Variants in SYNRG observed in about 807,000 individuals in gnomAD.
SYNRG encodes AP1 gamma subunit binding protein 1.
In SYNRG, 37 loss-of-function variants were observed where a neutral mutation model predicts 130.9. That is an observed-to-expected ratio of 0.28 (90% CI 0.22 to 0.37). SYNRG has a LOEUF of 0.37. Among genes scored for constraint, SYNRG ranks in the 10% least tolerant of loss-of-function variants. SYNRG has a pLI of 1.00. For synonymous variants in SYNRG, 539 were observed against 568.1 expected (o/e 0.95, Z 0.73); for missense variants, 1,338 against 1,588.9 (o/e 0.84, Z 2.68).
At chr17:37,606,393 G>A (rs982809675) in intron 1 of SYNRG, among the ~76,000 whole-genome samples, 1 of 152,192 alleles carries the variant, frequency 6.6e-6, no homozygotes, top group Non-Finnish European at 1.5e-5. Flanking sequence ...AAAAGATGAG[G>A]AAGCCCTCTA....
At chr17:37,582,852 C>T (rs982786621) in intron 6 of SYNRG, among the ~76,000 whole-genome samples, 3 of 150,902 alleles carry the variant, frequency 2.0e-5, no homozygotes, top group Non-Finnish European at 4.4e-5. Context: ...GAGACCCTGT[C>T]TCAAAAAAAA....
Position 37,600,423 on chromosome 17 carries a change from AC to A in SYNRG, c.78-21del. The A allele has an allele frequency of 6.2e-7, 1 of 1,612,760 alleles. No homozygotes were observed. Among genetic ancestry groups the A allele is most frequent in the Non-Finnish European group, 8.5e-7 (1 of 1,178,952 alleles). ...ATGAAGCTGAAAACAGAATAAAAAT[AC>A]ATTATAATCTTCGTATGTACAAAGA... On this transcript the variant is annotated intron_variant, in intron 1 of 21. Coordinates refer to ENST00000612223, the MANE Select transcript of SYNRG (RefSeq NM_007247.6).
intron 2 of SYNRG, among the ~76,000 whole-genome samples, chr17:37,597,191 A>G (rs189120408): frequency 4.1e-4 from 63 of 152,342 alleles, no homozygotes; most frequent in African/African-American, 1.5e-3. Flanking sequence ...GCCAAAAGGC[A>G]GCATGAATTT....
At position 37,518,645 on chromosome 17, in the gene SYNRG, A is replaced by C; in HGVS notation, c.*295T>G. 1 of 350,124 alleles carries C rather than the reference A, an allele frequency of 2.9e-6. No individual in the cohort carries two copies. The highest frequency in any genetic ancestry group is 4.6e-5 in the East Asian group (1 of 21,558). The allele number at this position is 350,124 out of a possible 1,614,324, so 21.7% of individuals were successfully genotyped here. The stretch of plus-strand genomic sequence containing the variant: ...TCAAATGTCAGTTCTTCACAGTTTC[A>C]ATACTGCAGCAGCAAGTTCTTCCTT... On this transcript the variant is annotated 3_prime_UTR_variant, in exon 22 of 22. Coordinates refer to ENST00000612223, the MANE Select transcript of SYNRG (RefSeq NM_007247.6).
At chr17:37,590,988 G>A (rs1309178334) in intron 3 of SYNRG, among the ~76,000 whole-genome samples, 2 of 151,960 alleles carry the variant, frequency 1.3e-5, no homozygotes, top group African/African-American at 4.8e-5. Context: ...AGGAAGGAAA[G>A]TATTTTTCAA....
intron 4 of SYNRG, 148 bp from the exon 5 acceptor site, chr17:37,585,578 CCT>C (rs1401483568): frequency 4.3e-5 from 25 of 586,618 alleles, no homozygotes; most frequent in African/African-American, 1.3e-4. Context: ...TTACGACAAT[CCT>C]GTTTCCTCAC....
Position 37,564,018 on chromosome 17 carries a change from A to AT in SYNRG, c.1482-2430dup, listed in dbSNP as rs1008704376. 5.2e-3 allele frequency among the ~76,000 whole-genome samples: 748 copies of AT among 144,484 alleles called. 2 individuals are homozygous for AT. Among genetic ancestry groups the AT allele is most frequent in the African/African-American group, 8.0e-3 (316 of 39,534 alleles). 94.8% of individuals were successfully genotyped at this position (144,484 alleles called of 152,430 possible). A position where few individuals can be genotyped will look rare whatever the true frequency, so the allele number is the denominator to read the frequency against. ...ACCACCAGGCCTGGGTAATTTTTGT[A>AT]TTTTTTTTTTTGTAGAGATGGGGTT... On this transcript the variant is annotated intron_variant, in intron 11 of 21. Coordinates refer to ENST00000612223, the MANE Select transcript of SYNRG (RefSeq NM_007247.6).
At chr17:37,587,337 T>C (rs2061775552) in intron 3 of SYNRG, among the ~76,000 whole-genome samples, 1 of 152,148 alleles carries the variant, frequency 6.6e-6, no homozygotes, top group South Asian at 2.1e-4. Flanking sequence ...TTAAGAATGA[T>C]GACAATGACA....
chr17:37,522,432 ATGAGCCAC>A (rs1203202760), intron 19 of SYNRG, among the ~76,000 whole-genome samples: 2 of 151,652 alleles, frequency 1.3e-5, no homozygotes, highest in Non-Finnish European at 1.5e-5. Flanking sequence ...GTTTACAGGC[ATGAGCCAC>A]TGTGCCCGGC....
At chr17:37,523,848 G>C (rs1460349185) in intron 19 of SYNRG, among the ~76,000 whole-genome samples, 2 of 152,208 alleles carry the variant, frequency 1.3e-5, no homozygotes, top group Non-Finnish European at 2.9e-5. Flanking sequence ...GCACTGTGGA[G>C]AGTAAGGAGG....
intron 17 of SYNRG, 177 bp downstream of exon 17, chr17:37,539,015 G>C (rs1032147545): frequency 1.3e-5 from 13 of 983,028 alleles, no homozygotes; most frequent in South Asian, 4.7e-5. Flanking sequence ...GTCTGCTATT[G>C]TAAGTGTGAA....
In SYNRG at chr17:37,553,597, T is replaced by C. The variant is rs757211543; in HGVS notation, c.2126A>G (p.Asp709Gly). 3.7e-6 allele frequency: 6 copies of C among 1,613,954 alleles called. No individual in the cohort carries two copies. In the East Asian group the frequency reaches 1.1e-4, roughly 30 times the overall value. ...CTCTTTAAGGGCATCATATTTGTCA[T>C]CCGGCTTTTGCTCAGATGAAATAGA... is the stretch of plus-strand genomic sequence containing the variant. ...NSSISSEQKP[D>G]DKYDALKEEA... Residue 709 changes from aspartate (D) to glycine (G), a missense_variant, in exon 14 of 22, where the codon GAT becomes GGT. Asp to Gly is a moderately conservative substitution (Grantham distance 94). Transcript: ENST00000612223.
At chr17:37,552,469 T>A (rs868315978) in intron 14 of SYNRG, among the ~76,000 whole-genome samples, 1 of 152,170 alleles carries the variant, frequency 6.6e-6, no homozygotes, top group African/African-American at 2.4e-5. Flanking sequence ...TACAGATTTG[T>A]TACAACTTAA....
chr17:37,569,505 T>C (rs987040994), intron 10 of SYNRG, among the ~76,000 whole-genome samples: 5 of 148,774 alleles, frequency 3.4e-5, no homozygotes, highest in Non-Finnish European at 7.4e-5. Context: ...AAAAGATATA[T>C]CTAGCCGGGT....
chr17:37,540,807 G>T, intron 15 of SYNRG: 1 of 789,178 alleles, frequency 1.3e-6, no homozygotes, highest in Non-Finnish European at 1.6e-6. Context: ...GCTAATTTTT[G>T]TATTTTTAGT....
chr17:37,571,439 G>A (rs188072315), intron 9 of SYNRG, among the ~76,000 whole-genome samples: 6 of 152,082 alleles, frequency 3.9e-5, no homozygotes, highest in Admixed American at 2.6e-4. Context: ...AAAAGTAGCC[G>A]GGCATGGTGG....
At position 37,542,555 on chromosome 17, in the gene SYNRG, G is replaced by A. The variant is rs374315071; in HGVS notation, c.2619C>T (p.Asp873=). 3.5e-5 allele frequency: 56 copies of A among 1,610,100 alleles called. No individual in the cohort carries two copies. Among genetic ancestry groups the A allele is most frequent in the Non-Finnish European group, 4.4e-5 (52 of 1,179,316 alleles). ...GQHPPAADIE[D]LKYAAFGSYS... Reference sequence around the variant, plus strand: ...AGCTTCCAAAAGCAGCATATTTTAAGTCCTCTATATCTGAAAGGGAAATAA... The same window carrying A: ...AGCTTCCAAAAGCAGCATATTTTAAATCCTCTATATCTGAAAGGGAAATAA... Residue 873 remains aspartate (D), a synonymous_variant, in exon 15 of 22, where the codon GAC becomes GAT. Coordinates refer to ENST00000612223, the MANE Select transcript of SYNRG (RefSeq NM_007247.6).
Position 37,520,590 on chromosome 17 carries a change from G to A in SYNRG, c.3725C>T (p.Ala1242Val), listed in dbSNP as rs2054883405. 6.2e-7 allele frequency: 1 copy of A among 1,614,176 alleles called. No homozygotes were observed. The highest frequency in any genetic ancestry group is 1.1e-5 in the South Asian group (1 of 91,088). ...GCACACTCCACAGGCAAGCTCCTGA[G>A]CATTTTTAATCCCAGGCCGTAACAT... is the stretch of plus-strand genomic sequence containing the variant. ...SCMLRPGIKN[A>V]QELACGVCLL... is the part of the protein sequence containing the mutation. The change falls in exon 20 of 22, where the codon GCT (alanine) becomes GTT (valine). Residue 1242 changes from alanine (A) to valine (V), a missense_variant. Physicochemically the swap from Ala to Val is moderately conservative, Grantham distance 64 (BLOSUM62 0). Coordinates refer to ENST00000612223, the MANE Select transcript of SYNRG (RefSeq NM_007247.6).
At chr17:37,528,283 T>A (rs1369369286) in intron 19 of SYNRG, among the ~76,000 whole-genome samples, 1 of 152,290 alleles carries the variant, frequency 6.6e-6, no homozygotes, top group East Asian at 1.9e-4. Context: ...TCTTCTTCTG[T>A]CTACTTCTGT....
Sources: gnomAD v4.1 joint callset for allele counts (sites outside exome capture counted in the v4.1 genomes callset) on GRCh38, gnomAD v4.1.1 for gene constraint, MANE v1.5 for transcripts, NCBI Gene and HGNC (gene_info 2026-07-23, HGNC 2026-07-21) for gene names.